The following UIMC1 variants were observed in gnomAD, a reference collection of about 807,000 sequenced individuals.
UIMC1 encodes ubiquitin interaction motif containing 1.
Under a neutral mutation model 84.9 loss-of-function variants are expected in UIMC1, and 42 were observed. That is an observed-to-expected ratio of 0.49 (90% CI 0.39 to 0.64). The LOEUF is 0.64. UIMC1 is among the 30% of genes least tolerant of loss of function. The probability of loss-of-function intolerance (pLI) is 0.00; values close to 1 mark genes in which losing one functional copy is unlikely to be tolerated. For missense variants in UIMC1, 825 were observed against 847.6 expected (o/e 0.97, Z 0.33); for synonymous variants, 281 against 293.0 (o/e 0.96, Z 0.42).
At position 176,968,166 on chromosome 5, in the gene UIMC1, G is replaced by A. The variant is rs183579713; in HGVS notation, c.1200+389C>T. Among the ~76,000 whole-genome samples, 1,385 of 152,258 alleles carry A rather than the reference G, an allele frequency of 9.1e-3. 8 individuals carry two copies. The highest frequency in any genetic ancestry group is 0.025 in the South Asian group (120 of 4,828). ...AGGCATGCAGATCACAAGGTCAGGA[G>A]TTCAAGACCAGCCTAGCCAACAGGG... On this transcript the variant is annotated intron_variant, in intron 6 of 14. Coordinates refer to ENST00000511320, the MANE Select transcript of UIMC1 (RefSeq NM_001199298.2).
chr5:176,935,330 C>A (rs1763596829), intron 10 of UIMC1, among the ~76,000 whole-genome samples: 1 of 152,062 alleles, frequency 6.6e-6, no homozygotes, highest in Non-Finnish European at 1.5e-5. Flanking sequence ...TACATTAATA[C>A]CCTCCCCTCT....
intron 10 of UIMC1, among the ~76,000 whole-genome samples, chr5:176,920,155 G>A (rs529712107): frequency 1.6e-4 from 24 of 152,182 alleles, no homozygotes; most frequent in African/African-American, 5.5e-4. Flanking sequence ...CTGAGTAGCT[G>A]GGATTACAGG....
At chr5:176,970,934 G>C (rs1162398065) in intron 3 of UIMC1, 68 bp from the exon 4 acceptor site, 2 of 1,560,484 alleles carry the variant, frequency 1.3e-6, no homozygotes, top group Non-Finnish European at 1.7e-6. Context: ...AGGCAAGAAA[G>C]AGAATTATTA....
chr5:176,980,387 G>T (rs1028547895), intron 2 of UIMC1: 14 of 152,058 alleles, frequency 9.2e-5, no homozygotes, highest in African/African-American at 3.4e-4. Context: ...TGTCTCTGGA[G>T]GACCTAACAC....
At chr5:176,972,465 G>C (rs1354512069) in intron 3 of UIMC1, among the ~76,000 whole-genome samples, 1 of 151,902 alleles carries the variant, frequency 6.6e-6, no homozygotes, top group Admixed American at 6.6e-5. Context: ...GCCAGGAGCG[G>C]TGACTCATGC....
intron 10 of UIMC1, among the ~76,000 whole-genome samples, chr5:176,940,166 C>T (rs1204613049): frequency 7.2e-5 from 11 of 152,180 alleles, no homozygotes. Context: ...TCAATTTCAA[C>T]CACAAGGATT....
In UIMC1 at chr5:176,907,120, T is replaced by C; in HGVS notation, c.1906A>G (p.Thr636Ala). 6.2e-7 allele frequency: 1 copy of C among 1,613,842 alleles called. No individual in the cohort carries two copies. ...CTGGTCCTGGGGTCCTCACCTGAAG[T>C]CTTGTGCTCAGACTGTTCCAAGAAA... ...LSFLEQSEHK[T>A]SDADIKSSET... The change falls in exon 13 of 15, where the codon ACT becomes GCT. Residue 636 changes from threonine to alanine, a missense_variant. Physicochemically the swap from Thr to Ala is moderately conservative, Grantham distance 58 (BLOSUM62 0). Transcript: ENST00000511320.
At chr5:176,991,579 A>T (rs1306777050) in intron 1 of UIMC1, among the ~76,000 whole-genome samples, 5 of 146,168 alleles carry the variant, frequency 3.4e-5, no homozygotes, top group African/African-American at 1.0e-4. Context: ...TTAGCCAGGC[A>T]TGGTGGCACT....
rs1275160234 is a variant in UIMC1 at position 177,006,723 on chromosome 5, G to GGGGGGA, written c.-88_-83dup. On this transcript the variant is annotated 5_prime_UTR_variant, in exon 1 of 15. Transcript: ENST00000511320. ...GCGAGCCGCCACACGTTGGGAGCGC[G>GGGGGGA]GGGGGAGGGGGAGGGGCGCGCGCGT... 15 of 152,200 alleles carry GGGGGGA rather than the reference G, an allele frequency of 9.9e-5. No homozygotes were observed. Among genetic ancestry groups the GGGGGGA allele is most frequent in the Non-Finnish European group, 2.1e-4 (14 of 68,050 alleles). 9.4% of individuals were successfully genotyped at this position (152,200 alleles called of 1,614,324 possible).
intron 10 of UIMC1, among the ~76,000 whole-genome samples, chr5:176,914,304 A>G (rs778964428): frequency 1.5e-4 from 23 of 152,182 alleles, no homozygotes; most frequent in Non-Finnish European, 2.8e-4. Context: ...CTCTGCATAT[A>G]TGACAACCAT....
chr5:176,905,804 T>C, intron 14 of UIMC1: 4 of 642,840 alleles, frequency 6.2e-6, no homozygotes, highest in Non-Finnish European at 1.1e-5. Flanking sequence ...ACTTTCACTC[T>C]GTTTGTTTTA....
chr5:176,923,866 A>AAC (rs1762026511), intron 10 of UIMC1, among the ~76,000 whole-genome samples: 1 of 50,310 alleles, frequency 2.0e-5, no homozygotes, highest in South Asian at 6.7e-4. Flanking sequence ...TCTGTCTCAA[A>AAC]AAAAAAAAAT....
intron 10 of UIMC1, among the ~76,000 whole-genome samples, chr5:176,928,114 G>A (rs62402802): frequency 0.13 from 19,763 of 152,064 alleles, 1,662 homozygotes; most frequent in East Asian, 0.19. Context: ...AAAGTGCTAG[G>A]ATTATAGGCT....
chr5:176,969,608 G>A lies in UIMC1; in HGVS notation c.456C>T (p.Leu152=). Residue 152 remains leucine, a synonymous_variant, in exon 5 of 15, where the codon CTC becomes CTT. Transcript: ENST00000511320. ...CAGAACAGGGAGACATGCCTTCAGT[G>A]AGCCCAGAGTCTGTGGTTTTCTCTT... ...SHQEKTTDSG[L]TEGIWQLVPP... 6.2e-7 allele frequency: 1 copy of A among 1,614,072 alleles called. No homozygotes were observed. The highest frequency in any genetic ancestry group is 1.1e-5 in the South Asian group (1 of 91,076).
intron 13 of UIMC1, 57 bp downstream of exon 13, chr5:176,907,057 T>C (rs369099446): frequency 1.9e-6 from 3 of 1,565,768 alleles, no homozygotes; most frequent in East Asian, 4.5e-5. Flanking sequence ...TGGCAATGGC[T>C]ATCTTCACTG....
intron 10 of UIMC1, among the ~76,000 whole-genome samples, chr5:176,936,022 C>T (rs1008471920): frequency 7.2e-5 from 11 of 152,154 alleles, no homozygotes; most frequent in African/African-American, 2.7e-4. Context: ...ATCTATTTCT[C>T]CCTAACTTAT....
At chr5:176,906,145 T>C (rs1050068039) in intron 13 of UIMC1, 98 bp from the exon 14 acceptor site, 2 of 1,136,628 alleles carry the variant, frequency 1.8e-6, no homozygotes, top group African/African-American at 3.1e-5. Flanking sequence ...GCACTGCTTC[T>C]CATCAGGCCT....
chr5:176,960,127 A>C (rs529851380), intron 6 of UIMC1, among the ~76,000 whole-genome samples: 11 of 152,376 alleles, frequency 7.2e-5, no homozygotes, highest in East Asian at 1.9e-4. Context: ...GCAACTTAAG[A>C]AGCAAAAACC....
intron 9 of UIMC1, 119 bp downstream of exon 9, chr5:176,951,355 C>A: frequency 1.6e-6 from 1 of 619,946 alleles, no homozygotes; most frequent in Admixed American, 3.1e-5. Context: ...AACATAAGGG[C>A]CCCCAAAACT....
Sources: allele counts gnomAD v4.1 joint callset (sites outside exome capture counted in the v4.1 genomes callset), GRCh38; gene constraint gnomAD v4.1.1; transcripts MANE v1.5; gene names NCBI Gene and HGNC (gene_info 2026-07-23, HGNC 2026-07-21).